Variants in SLC16A9 observed in about 807,000 individuals in gnomAD.
SLC16A9 encodes solute carrier family 16 member 9, also known as monocarboxylate transporter 9.
Under a neutral mutation model 44.3 loss-of-function variants are expected in SLC16A9, and 26 were observed. The ratio of observed to expected loss-of-function variants is 0.59; its 90% CI spans 0.43 to 0.81. The LOEUF is 0.81. Among genes scored for constraint, SLC16A9 ranks in the 40% least tolerant of loss-of-function variants. The pLI is 0.00. For missense variants in SLC16A9, 559 were observed against 595.8 expected, an observed-to-expected ratio of 0.94 and a Z score of 0.64; for synonymous variants, 230 against 225.1, an observed-to-expected ratio of 1.02 and a Z score of -0.19.
intron 1 of SLC16A9, among the ~76,000 whole-genome samples, chr10:59,699,740 T>C (rs1467593919): frequency 6.6e-6 from 1 of 152,106 alleles, no homozygotes; most frequent in Non-Finnish European, 1.5e-5. Flanking sequence ...GAAAAAGTTA[T>C]TTTATCCTCA....
At position 59,672,882 on chromosome 10, in the gene SLC16A9, A is replaced by G; in HGVS notation, c.228T>C (p.Phe76=). 1.9e-6 allele frequency: 3 copies of G among 1,613,516 alleles called. No homozygotes were observed. The highest frequency in any genetic ancestry group is 2.5e-6 in the Non-Finnish European group (3 of 1,179,682). Residue 76 remains phenylalanine, a synonymous_variant, in exon 3 of 6, where the codon TTT becomes TTC. Coordinates refer to ENST00000395348, the MANE Select transcript of SLC16A9 (RefSeq NM_194298.3). ...SPVCSLCVSS[F]GARPVTIFSG... ...TGAAGATTGTGACAGGTCTTGCTCCAAAAGATGAGACACAGAGACTGCAGA... is the reference window on the plus strand; with the variant it reads ...TGAAGATTGTGACAGGTCTTGCTCCGAAAGATGAGACACAGAGACTGCAGA...
intron 2 of SLC16A9, among the ~76,000 whole-genome samples, chr10:59,678,094 C>G (rs993833974): frequency 4.9e-5 from 7 of 141,836 alleles, no homozygotes; most frequent in Non-Finnish European, 9.0e-5. Flanking sequence ...TGTCACACTT[C>G]TTTTTCCTAA....
In SLC16A9 at chr10:59,701,022, C is replaced by T. The variant is rs78110844; in HGVS notation, c.-37+8457G>A. Among the ~76,000 whole-genome samples the T allele has an allele frequency of 3.7e-3, 558 of 152,266 alleles. 2 individuals are homozygous for T. The highest frequency in any genetic ancestry group is 0.013 in the African/African-American group (531 of 41,544). ...CAGAACTCCAGATCCACATTTCTAA[C>T]GAATTTTTCACCATTTTCCATGTCA... is the stretch of plus-strand genomic sequence containing the variant. On this transcript the variant is annotated intron_variant, in intron 1 of 5. Transcript: ENST00000395348.
At chr10:59,676,600 A>C (rs1471785188) in intron 2 of SLC16A9, among the ~76,000 whole-genome samples, 1 of 152,182 alleles carries the variant, frequency 6.6e-6, no homozygotes, top group Admixed American at 6.5e-5. Context: ...AAGGGTTCCT[A>C]ATGTTTTATT....
chr10:59,680,197 A>C (rs1839957107), intron 2 of SLC16A9, among the ~76,000 whole-genome samples: 1 of 152,190 alleles, frequency 6.6e-6, no homozygotes, highest in Non-Finnish European at 1.5e-5. Context: ...CAAAGAATTC[A>C]AGCAAGGGGA....
At chr10:59,658,166 A>G (rs551189260) in intron 4 of SLC16A9, among the ~76,000 whole-genome samples, 2 of 152,200 alleles carry the variant, frequency 1.3e-5, no homozygotes, top group East Asian at 3.9e-4. Context: ...AACCCTTTCA[A>G]TTTACTGCCA....
intron 1 of SLC16A9, among the ~76,000 whole-genome samples, chr10:59,703,683 T>C (rs996244470): frequency 3.9e-5 from 6 of 152,162 alleles, no homozygotes; most frequent in African/African-American, 1.4e-4. Flanking sequence ...GTTTTTGGTT[T>C]TGTTTTTAGT....
intron 4 of SLC16A9, among the ~76,000 whole-genome samples, chr10:59,656,913 G>T (rs535361909): frequency 6.6e-6 from 1 of 152,308 alleles, no homozygotes; most frequent in East Asian, 1.9e-4. Flanking sequence ...TACAAAGAGA[G>T]AAAATATTAA....
Position 59,664,305 on chromosome 10 carries a change from A to G in SLC16A9, c.358T>C (p.Leu120=). 1.2e-6 allele frequency: 2 copies of G among 1,610,978 alleles called. No individual in the cohort carries two copies. Among genetic ancestry groups the G allele is most frequent in the Non-Finnish European group, 1.7e-6 (2 of 1,178,184 alleles). The change falls in exon 4 of 6, where the codon TTA becomes CTA. Residue 120 remains leucine (L), a synonymous_variant. Transcript: ENST00000395348. ...GTAATGGTCACTGTTGCAGTGTATAATAAACCACATCCAAGACCTAAGCAT... is the reference window on the plus strand; with the variant it reads ...GTAATGGTCACTGTTGCAGTGTATAGTAAACCACATCCAAGACCTAAGCAT... The part of the protein sequence containing the change: ...GIVVGLGCGL[L]YTATVTITCQ...
chr10:59,703,242 T>C (rs1840563449), intron 1 of SLC16A9, among the ~76,000 whole-genome samples: 1 of 152,154 alleles, frequency 6.6e-6, no homozygotes, highest in African/African-American at 2.4e-5. Flanking sequence ...CTACCTCAGC[T>C]TCCCAAATAG....
intron 1 of SLC16A9, among the ~76,000 whole-genome samples, chr10:59,697,962 T>TAAAAAAAAAAAAA (rs34931109): frequency 1.5e-5 from 2 of 136,106 alleles, no homozygotes; most frequent in Non-Finnish European, 3.2e-5. Context: ...GGGCACACAG[T>TAAAAAAAAAAAAA]AAAAAAAAAA....
At chr10:59,666,298 C>CA (rs35476359) in intron 3 of SLC16A9, among the ~76,000 whole-genome samples, 18,392 of 101,656 alleles carry the variant, frequency 0.18, 1,360 homozygotes, top group Non-Finnish European at 0.21. Flanking sequence ...GACTCTGTCT[C>CA]AAAAAAAAAA....
intron 1 of SLC16A9, among the ~76,000 whole-genome samples, chr10:59,696,979 G>GT (rs2132532433): frequency 7.6e-6 from 1 of 131,306 alleles, no homozygotes; most frequent in South Asian, 2.7e-4. Context: ...CAGAAGGGAG[G>GT]TGGGGGGGTC....
chr10:59,700,695 G>T (rs768845740), intron 1 of SLC16A9, among the ~76,000 whole-genome samples: 1 of 152,086 alleles, frequency 6.6e-6, no homozygotes, highest in Non-Finnish European at 1.5e-5. Flanking sequence ...AGCATGAAAG[G>T]GTACTCTCCC....
chr10:59,655,030 G>A (rs1218036917), intron 4 of SLC16A9, among the ~76,000 whole-genome samples: 1 of 152,152 alleles, frequency 6.6e-6, no homozygotes, highest in Non-Finnish European at 1.5e-5. Flanking sequence ...GGTGGCTCAG[G>A]CCTGTAATCC....
At chr10:59,679,459 G>C (rs1278606467) in intron 2 of SLC16A9, among the ~76,000 whole-genome samples, 1 of 152,192 alleles carries the variant, frequency 6.6e-6, no homozygotes, top group Non-Finnish European at 1.5e-5. Flanking sequence ...AATTTGCAGA[G>C]GAGGCCATTA....
At chr10:59,655,510 C>T (rs546812919) in intron 4 of SLC16A9, among the ~76,000 whole-genome samples, 2 of 152,146 alleles carry the variant, frequency 1.3e-5, no homozygotes, top group South Asian at 2.1e-4. Context: ...GTGAGTCATC[C>T]TTTTCATGCA....
chr10:59,668,181 T>C (rs942566562), intron 3 of SLC16A9, among the ~76,000 whole-genome samples: 2 of 152,206 alleles, frequency 1.3e-5, no homozygotes, highest in African/African-American at 4.8e-5. Context: ...CATCATGTCA[T>C]ACTACTGCAA....
chr10:59,699,379 C>T (rs948069461), intron 1 of SLC16A9, among the ~76,000 whole-genome samples: 4 of 150,162 alleles, frequency 2.7e-5, no homozygotes, highest in East Asian at 1.9e-4. Context: ...CAGTCTCATA[C>T]GAGTACACAC....
Sources: gnomAD v4.1 joint callset for allele counts (sites outside exome capture counted in the v4.1 genomes callset) on GRCh38, gnomAD v4.1.1 for gene constraint, MANE v1.5 for transcripts, NCBI Gene and HGNC (gene_info 2026-07-23, HGNC 2026-07-21) for gene names.